The following GRIN3A variants were observed in gnomAD, a reference collection of about 807,000 sequenced individuals.
The protein encoded by GRIN3A is glutamate ionotropic receptor NMDA type subunit 3A.
GRIN3A carries 47 observed loss-of-function variants against 92.4 expected under a neutral mutation model. The observed-to-expected ratio is 0.51, with a 90% CI of 0.40 to 0.65. The LOEUF is 0.65. Ranked by LOEUF, GRIN3A falls within the 30% of genes least tolerant of loss-of-function variation. The pLI, the probability that GRIN3A is intolerant of heterozygous loss-of-function variation, is 0.00. For missense variants in GRIN3A, 1,324 were observed against 1,393.1 expected, an observed-to-expected ratio of 0.95 and a Z score of 0.79; for synonymous variants, 527 against 540.6, an observed-to-expected ratio of 0.97 and a Z score of 0.35.
chr9:101,625,145 A>G (rs1160732158), intron 4 of GRIN3A, among the ~76,000 whole-genome samples: 2 of 152,212 alleles, frequency 1.3e-5, no homozygotes, highest in Non-Finnish European at 2.9e-5. Flanking sequence ...TGACTACCTC[A>G]GTTCCTTTTT....
chr9:101,691,465 A>AATACTCTTTAATT (rs1829617464), intron 1 of GRIN3A, among the ~76,000 whole-genome samples: 1 of 152,234 alleles, frequency 6.6e-6, no homozygotes, highest in Non-Finnish European at 1.5e-5. Context: ...GTACTATACA[A>AATACTCTTTAATT]GCGTTCTTTA....
intron 3 of GRIN3A, among the ~76,000 whole-genome samples, chr9:101,630,806 G>T (rs547066201): frequency 1.3e-5 from 2 of 152,296 alleles, no homozygotes; most frequent in Admixed American, 6.5e-5. Context: ...ACAAGCTTCA[G>T]CCCATCCTAT....
chr9:101,710,501 G>T (rs546135460), intron 1 of GRIN3A, among the ~76,000 whole-genome samples: 1 of 152,262 alleles, frequency 6.6e-6, no homozygotes, highest in Non-Finnish European at 1.5e-5. Flanking sequence ...TTAGTGTTTG[G>T]ATGGAGATCT....
At position 101,594,638 on chromosome 9, in the gene GRIN3A, G is replaced by A. The variant is rs1252638845; in HGVS notation, c.2767-15278C>T. On this transcript the variant is annotated intron_variant, in intron 6 of 8. Coordinates refer to ENST00000361820, the MANE Select transcript of GRIN3A (RefSeq NM_133445.3). ...TTTATCCATGTCGTAAATGCTGAAC[G>A]CAAACCTCAACTTCTGCTCCTCGTC... 3.5e-5 allele frequency: 56 copies of A among 1,614,072 alleles called. No homozygotes were observed. The highest frequency in any genetic ancestry group is 4.7e-5 in the Non-Finnish European group (55 of 1,180,050).
intron 5 of GRIN3A, among the ~76,000 whole-genome samples, chr9:101,621,963 T>C (rs1202157198): frequency 6.6e-6 from 1 of 152,210 alleles, no homozygotes; most frequent in Non-Finnish European, 1.5e-5. Context: ...ATATACTGAA[T>C]GTTGTTTATT....
At position 101,686,935 on chromosome 9, in the gene GRIN3A, G is replaced by C; in HGVS notation, c.965C>G (p.Thr322Arg). The change falls in exon 2 of 9, where the codon ACA becomes AGA. Residue 322 changes from threonine to arginine, a missense_variant. Coordinates refer to ENST00000361820, the MANE Select transcript of GRIN3A (RefSeq NM_133445.3). ...QIQLESIKNSTPTVVMFGCDM... is the reference protein window; with the variant it reads ...QIQLESIKNSRPTVVMFGCDM... The stretch of plus-strand genomic sequence containing the variant: ...GCAGCCAAACATCACCACTGTGGGT[G>C]TGCTGTTCTTAATACTCTCAAGCTG... 1.9e-6 allele frequency: 3 copies of C among 1,614,176 alleles called. No homozygotes were observed. The highest frequency in any genetic ancestry group is 2.5e-6 in the Non-Finnish European group (3 of 1,180,030).
At chr9:101,628,501 A>G (rs1219073603) in intron 3 of GRIN3A, 100 bp from the exon 4 acceptor site, 1 of 1,197,048 alleles carries the variant, frequency 8.4e-7, no homozygotes, top group African/African-American at 1.5e-5. Context: ...ATAATTCGGA[A>G]CTTTTCTAAC....
At chr9:101,630,025 G>T (rs958499984) in intron 3 of GRIN3A, among the ~76,000 whole-genome samples, 1 of 152,110 alleles carries the variant, frequency 6.6e-6, no homozygotes, top group African/African-American at 2.4e-5. Flanking sequence ...GAACCCCCGG[G>T]GCTGTTCTCA....
chr9:101,651,363 G>A (rs10819962), intron 3 of GRIN3A, among the ~76,000 whole-genome samples: 42,765 of 151,788 alleles, frequency 0.28, 6,007 homozygotes, highest in Non-Finnish European at 0.29. Context: ...AAAATTAAAG[G>A]AAGGAACGGA....
chr9:101,627,381 GA>G (rs2118877332), intron 4 of GRIN3A, among the ~76,000 whole-genome samples: 1 of 152,300 alleles, frequency 6.6e-6, no homozygotes, highest in Admixed American at 6.5e-5. Flanking sequence ...TATGTTCCAT[GA>G]AATTATTTAT....
chr9:101,666,379 A>T (rs1829236932), intron 3 of GRIN3A, among the ~76,000 whole-genome samples: 1 of 152,012 alleles, frequency 6.6e-6, no homozygotes, highest in Non-Finnish European at 1.5e-5. Flanking sequence ...ACTCTTAGCA[A>T]ACTAACACAG....
At chr9:101,706,016 C>T (rs1009291918) in intron 1 of GRIN3A, among the ~76,000 whole-genome samples, 2 of 152,066 alleles carry the variant, frequency 1.3e-5, no homozygotes, top group Non-Finnish European at 2.9e-5. Context: ...AAGCAAGAAT[C>T]ATTTCAAGTA....
chr9:101,628,463 T>A (rs1261023759), intron 3 of GRIN3A, 62 bp from the exon 4 acceptor site: 2 of 1,514,986 alleles, frequency 1.3e-6, no homozygotes, highest in Admixed American at 1.8e-5. Context: ...TTTTTAACAT[T>A]TTTTTCATAA....
intron 5 of GRIN3A, among the ~76,000 whole-genome samples, chr9:101,618,947 G>T (rs1166372554): frequency 6.6e-6 from 1 of 152,124 alleles, no homozygotes; most frequent in African/African-American, 2.4e-5. Context: ...AAGCAAAATG[G>T]AATCCTTCAA....
chr9:101,575,513 G>A (rs1827814352), intron 8 of GRIN3A, among the ~76,000 whole-genome samples: 1 of 152,080 alleles, frequency 6.6e-6, no homozygotes, highest in Non-Finnish European at 1.5e-5. Context: ...AAAACCTTAT[G>A]TGAAATCACA....
chr9:101,589,225 G>A (rs186313020), intron 6 of GRIN3A, among the ~76,000 whole-genome samples: 3 of 152,150 alleles, frequency 2.0e-5, no homozygotes, highest in Admixed American at 6.5e-5. Context: ...CACCTGCCTC[G>A]GCCTCCCAAA....
intron 3 of GRIN3A, among the ~76,000 whole-genome samples, chr9:101,630,476 C>T (rs113585007): frequency 3.3e-5 from 5 of 152,296 alleles, no homozygotes; most frequent in African/African-American, 1.2e-4. Context: ...ATATGTCTAT[C>T]ATCTTTTTAC....
rs188726813 is a variant in GRIN3A, at chr9:101,582,454, C to A, written c.2767-3094G>T. On this transcript the variant is annotated intron_variant, in intron 6 of 8. Transcript: ENST00000361820. ...CAGGCCGAAGCCCAGCCCTACGAAACAAGGAATGCTGGTCTGGGAAAGGGT... is the reference window on the plus strand; with the variant it reads ...CAGGCCGAAGCCCAGCCCTACGAAAAAAGGAATGCTGGTCTGGGAAAGGGT... Among the ~76,000 whole-genome samples, 387 of 152,274 alleles carry A rather than the reference C, an allele frequency of 2.5e-3. 2 individuals are homozygous for A. Among genetic ancestry groups the A allele is most frequent in the African/African-American group, 8.9e-3 (370 of 41,560 alleles).
chr9:101,691,122 G>A (rs1829611716), intron 1 of GRIN3A, among the ~76,000 whole-genome samples: 1 of 152,072 alleles, frequency 6.6e-6, no homozygotes, highest in South Asian at 2.1e-4. Flanking sequence ...AAATTGGGTA[G>A]ACAAAGAGTT....
Sources: gnomAD v4.1 joint callset for allele counts (sites outside exome capture counted in the v4.1 genomes callset) on GRCh38, gnomAD v4.1.1 for gene constraint, MANE v1.5 for transcripts, NCBI Gene and HGNC (gene_info 2026-07-23, HGNC 2026-07-21) for gene names.